Variants in GAS2 observed in about 807,000 individuals in gnomAD.
The protein encoded by GAS2 is growth arrest specific 2.
Under a neutral mutation model 37.5 loss-of-function variants are expected in GAS2, and 20 were observed. That is an observed-to-expected ratio of 0.53 (90% CI 0.37 to 0.77). GAS2 has a LOEUF of 0.77. Among genes scored for constraint, GAS2 ranks in the 30% least tolerant of loss-of-function variants. The pLI is 0.00. For synonymous variants in GAS2, 144 were observed against 132.2 expected (o/e 1.09, Z -0.61); for missense variants, 336 against 373.4 (o/e 0.90, Z 0.82).
At chr11:22,711,566 G>A (rs991858906) in intron 3 of GAS2, among the ~76,000 whole-genome samples, 6 of 152,218 alleles carry the variant, frequency 3.9e-5, no homozygotes, top group Admixed American at 6.5e-5. Flanking sequence ...CCAGGCCTGA[G>A]AGCCCTGCTT....
At chr11:22,643,637 T>C (rs1221470472) in intron 1 of GAS2, among the ~76,000 whole-genome samples, 1 of 152,066 alleles carries the variant, frequency 6.6e-6, no homozygotes, top group Non-Finnish European at 1.5e-5. Context: ...ATAAACTAAA[T>C]TTATTTTTAA....
At chr11:22,788,747 G>C (rs1024237131) in intron 7 of GAS2, among the ~76,000 whole-genome samples, 2 of 152,098 alleles carry the variant, frequency 1.3e-5, no homozygotes, top group Non-Finnish European at 2.9e-5. Flanking sequence ...ATAGTCAGTA[G>C]TATAAGTTTG....
Position 22,812,014 on chromosome 11 carries a change from T to C in GAS2, c.940T>C (p.Ter314ArgextTer11), listed in dbSNP as rs1857201214. The C allele has an allele frequency of 6.2e-7, 1 of 1,612,572 alleles. No individual in the cohort carries two copies. Among genetic ancestry groups the C allele is most frequent in the Non-Finnish European group, 8.5e-7 (1 of 1,178,634 alleles). ...ASYKAKKEIK[*>R] ...TTATAAGGCTAAGAAGGAAATTAAGTGAAACAAATTGGTCATGACAAGGGG... is the reference window on the plus strand; with the variant it reads ...TTATAAGGCTAAGAAGGAAATTAAGCGAAACAAATTGGTCATGACAAGGGG... Residue 314 changes from the stop codon to arginine (R), a stop_lost, in exon 8 of 8, where the codon TGA becomes CGA. Transcript: ENST00000454584.
chr11:22,647,528 C>A (rs959482713), intron 1 of GAS2, among the ~76,000 whole-genome samples: 7 of 152,096 alleles, frequency 4.6e-5, no homozygotes, highest in Non-Finnish European at 1.0e-4. Context: ...AACTAGTTTA[C>A]AGTCCCACCA....
intron 1 of GAS2, among the ~76,000 whole-genome samples, chr11:22,654,640 C>T (rs1329203243): frequency 1.3e-5 from 2 of 152,110 alleles, no homozygotes; most frequent in African/African-American, 2.4e-5. Context: ...AAGTAATCCT[C>T]CCACTTTGGC....
rs116193950 is a variant in GAS2, at chr11:22,751,718, C to G, written c.615+2457C>G. ...ATTTTCTTTCTTCACTAGCTTGTCC[C>G]CTATCTGGCAATCCTTGAGATGGGG... On this transcript the variant is annotated intron_variant, in intron 6 of 7. Transcript: ENST00000454584. Among the ~76,000 whole-genome samples the G allele has an allele frequency of 5.7e-3, 864 of 151,978 alleles. 14 individuals carry two copies. The highest frequency in any genetic ancestry group is 0.019 in the African/African-American group (783 of 41,492).
chr11:22,754,598 G>T (rs1248226281), intron 6 of GAS2, among the ~76,000 whole-genome samples: 2 of 143,858 alleles, frequency 1.4e-5, no homozygotes, highest in Admixed American at 1.4e-4. Context: ...TTAATTTCAG[G>T]GTTTTTTTCC....
intron 5 of GAS2, among the ~76,000 whole-genome samples, chr11:22,747,488 G>A (rs1853472819): frequency 6.6e-6 from 1 of 152,094 alleles, no homozygotes; most frequent in Non-Finnish European, 1.5e-5. Flanking sequence ...CAGTAGAATT[G>A]GGCTCACTAG....
At chr11:22,714,166 A>G (rs568658985) in intron 3 of GAS2, among the ~76,000 whole-genome samples, 1 of 152,302 alleles carries the variant, frequency 6.6e-6, no homozygotes, top group South Asian at 2.1e-4. Flanking sequence ...AACTTAAGGT[A>G]AAAGAGTAGA....
At chr11:22,648,421 C>G (rs1041371125) in intron 1 of GAS2, among the ~76,000 whole-genome samples, 3 of 152,136 alleles carry the variant, frequency 2.0e-5, no homozygotes, top group Non-Finnish European at 4.4e-5. Context: ...TTTTTTGGTT[C>G]CATATGAACT....
At chr11:22,700,355 A>C (rs1034175885) in intron 3 of GAS2, among the ~76,000 whole-genome samples, 1 of 152,164 alleles carries the variant, frequency 6.6e-6, no homozygotes, top group Non-Finnish European at 1.5e-5. Context: ...ATTCTCATTA[A>C]GTTTGAAATT....
intron 7 of GAS2, among the ~76,000 whole-genome samples, chr11:22,783,138 T>TG (rs1301314832): frequency 6.6e-6 from 1 of 152,210 alleles, no homozygotes; most frequent in Non-Finnish European, 1.5e-5. Context: ...AAAGCCATTC[T>TG]GACTGGTACA....
chr11:22,685,787 A>G lies in GAS2; in HGVS notation c.265A>G (p.Lys89Glu). The change falls in exon 3 of 8, where the codon AAG becomes GAG. Residue 89 changes from lysine to glutamate, a missense_variant and splice_region_variant. By Grantham distance (56) the Lys-to-Glu change is moderately conservative (BLOSUM62 1). Coordinates refer to ENST00000454584, the MANE Select transcript of GAS2 (RefSeq NM_001143830.3). The stretch of plus-strand genomic sequence containing the variant: ...GAGCATGGATGCTAACAAGCCCACA[A>G]AGGTAAAAGATCCCAATGCAAAAAT... ...KESMDANKPT[K>E]NLPLKKIPCK... The G allele has an allele frequency of 6.2e-7, 1 of 1,610,950 alleles. No homozygotes were observed. Among genetic ancestry groups the G allele is most frequent in the Non-Finnish European group, 8.5e-7 (1 of 1,179,104 alleles).
At chr11:22,733,948 T>A (rs1023813839) in intron 4 of GAS2, among the ~76,000 whole-genome samples, 1 of 151,704 alleles carries the variant, frequency 6.6e-6, no homozygotes, top group Non-Finnish European at 1.5e-5. Context: ...GTTACAATGA[T>A]CAAGTGGGGA....
At chr11:22,794,713 T>A (rs577533722) in intron 7 of GAS2, among the ~76,000 whole-genome samples, 11 of 152,292 alleles carry the variant, frequency 7.2e-5, no homozygotes, top group South Asian at 4.1e-4. Context: ...CTTCATTGTG[T>A]TGTCCTAAGT....
intron 2 of GAS2, 61 bp from the exon 3 acceptor site, chr11:22,685,607 T>G (rs1446247434): frequency 1.5e-5 from 23 of 1,545,244 alleles, no homozygotes; most frequent in Non-Finnish European, 2.0e-5. Context: ...GTCAAATATT[T>G]TATTTAGTGT....
chr11:22,670,881 A>G (rs59534932), intron 1 of GAS2, among the ~76,000 whole-genome samples: 2,607 of 152,192 alleles, frequency 0.017, 74 homozygotes, highest in African/African-American at 0.059. Context: ...ACAGAAGTGT[A>G]TATCATTTCA....
intron 1 of GAS2, among the ~76,000 whole-genome samples, chr11:22,639,186 A>T (rs1341255825): frequency 1.3e-5 from 2 of 152,176 alleles, no homozygotes; most frequent in African/African-American, 4.8e-5. Flanking sequence ...GTGAAATTTA[A>T]TTGCCAATAT....
At chr11:22,741,423 T>A (rs1396159837) in intron 5 of GAS2, among the ~76,000 whole-genome samples, 1 of 152,122 alleles carries the variant, frequency 6.6e-6, no homozygotes, top group Non-Finnish European at 1.5e-5. Context: ...CAGCATTTTT[T>A]GACTGTAGAA....
Sources: gnomAD v4.1 joint callset for allele counts (sites outside exome capture counted in the v4.1 genomes callset) on GRCh38, gnomAD v4.1.1 for gene constraint, MANE v1.5 for transcripts, NCBI Gene and HGNC (gene_info 2026-07-23, HGNC 2026-07-21) for gene names.